FAM171A1: variants seen among roughly 807,000 people sequenced by gnomAD.
FAM171A1 encodes the protein family with sequence similarity 171 member A1, also known as protein FAM171A1.
A neutral mutation model predicts 74.9 loss-of-function variants in FAM171A1; 23 were observed. The observed-to-expected ratio is 0.31, with a 90% CI of 0.22 to 0.44. The LOEUF is 0.44. Among genes scored for constraint, FAM171A1 ranks in the 20% least tolerant of loss-of-function variants. FAM171A1 has a pLI of 1.00. For missense variants in FAM171A1, 1,162 were observed against 1,159.2 expected (o/e 1.00, Z -0.03); for synonymous variants, 527 against 505.7 (o/e 1.04, Z -0.57).
chr10:15,253,942 G>A (rs1192434760), intron 4 of FAM171A1, among the ~76,000 whole-genome samples: 2 of 152,168 alleles, frequency 1.3e-5, no homozygotes, highest in African/African-American at 4.8e-5. Flanking sequence ...CTCTGATAAG[G>A]AATTATCACT....
At chr10:15,256,334 C>T (rs573479473) in intron 3 of FAM171A1, among the ~76,000 whole-genome samples, 1 of 152,322 alleles carries the variant, frequency 6.6e-6, no homozygotes, top group East Asian at 1.9e-4. Flanking sequence ...GGTGAAGTCA[C>T]TGAGGTCCAA....
chr10:15,220,828 T>G, intron 6 of FAM171A1, 116 bp downstream of exon 6: 1 of 773,760 alleles, frequency 1.3e-6, no homozygotes, highest in Non-Finnish European at 2.1e-6. Context: ...CTTTTAACCA[T>G]TTTTGAATAA....
At chr10:15,278,996 G>C (rs912212688) in intron 2 of FAM171A1, among the ~76,000 whole-genome samples, 1 of 152,106 alleles carries the variant, frequency 6.6e-6, no homozygotes, top group African/African-American at 2.4e-5. Context: ...CCGGGCTAGG[G>C]TTACACTCCA....
intron 1 of FAM171A1, among the ~76,000 whole-genome samples, chr10:15,351,643 G>GGATA: frequency 1.3e-5 from 2 of 151,520 alleles, no homozygotes; most frequent in African/African-American, 4.9e-5. Flanking sequence ...ATGGATGCAT[G>GGATA]GATGGATGGA....
At chr10:15,360,284 C>A (rs1835978781) in intron 1 of FAM171A1, among the ~76,000 whole-genome samples, 1 of 152,276 alleles carries the variant, frequency 6.6e-6, no homozygotes. Flanking sequence ...CTTGACTGAA[C>A]CATGCTGTCT....
chr10:15,265,952 G>C (rs928121000), intron 3 of FAM171A1, among the ~76,000 whole-genome samples: 1 of 152,134 alleles, frequency 6.6e-6, no homozygotes, highest in South Asian at 2.1e-4. Flanking sequence ...GTGGCTCCAA[G>C]AACAGGAGCC....
intron 1 of FAM171A1, among the ~76,000 whole-genome samples, chr10:15,351,463 G>A (rs1286415695): frequency 6.6e-6 from 1 of 152,140 alleles, no homozygotes; most frequent in Non-Finnish European, 1.5e-5. Context: ...AGGATGATGA[G>A]GAACAAAATA....
At chr10:15,223,509 T>C (rs1834066305) in intron 5 of FAM171A1, among the ~76,000 whole-genome samples, 1 of 152,252 alleles carries the variant, frequency 6.6e-6, no homozygotes, top group Admixed American at 6.5e-5. Flanking sequence ...GTCCTGCTCA[T>C]TCATGAATGC....
chr10:15,319,779 T>A (rs1182166508), intron 1 of FAM171A1, among the ~76,000 whole-genome samples: 1 of 151,888 alleles, frequency 6.6e-6, no homozygotes, highest in African/African-American at 2.4e-5. Flanking sequence ...CGGGTGGAGG[T>A]AGAGGAACCA....
intron 2 of FAM171A1, among the ~76,000 whole-genome samples, chr10:15,282,881 C>T (rs1834988202): frequency 6.6e-6 from 1 of 152,146 alleles, no homozygotes; most frequent in South Asian, 2.1e-4. Context: ...CTCAGGCCCA[C>T]TGTCCTCCAC....
chr10:15,318,620 G>C (rs1216955402), intron 1 of FAM171A1, among the ~76,000 whole-genome samples: 1 of 152,146 alleles, frequency 6.6e-6, no homozygotes, highest in Non-Finnish European at 1.5e-5. Flanking sequence ...TTTAAGAGTT[G>C]GAGGTGTGTG....
intron 1 of FAM171A1, among the ~76,000 whole-genome samples, chr10:15,332,999 G>C (rs1835658965): frequency 6.6e-6 from 1 of 152,116 alleles, no homozygotes. Flanking sequence ...CTCCTATAGT[G>C]CAACTCTTCC....
intron 5 of FAM171A1, among the ~76,000 whole-genome samples, chr10:15,235,995 G>A (rs1333593672): frequency 6.6e-6 from 1 of 152,166 alleles, no homozygotes; most frequent in Admixed American, 6.5e-5. Context: ...GAGCCAGGGA[G>A]CACATTAGGC....
At chr10:15,336,829 C>T (rs1835706463) in intron 1 of FAM171A1, among the ~76,000 whole-genome samples, 1 of 152,168 alleles carries the variant, frequency 6.6e-6, no homozygotes, top group Non-Finnish European at 1.5e-5. Flanking sequence ...TATGGGGCCA[C>T]CTACAACTGT....
intron 1 of FAM171A1, among the ~76,000 whole-genome samples, chr10:15,296,663 G>C (rs1835164834): frequency 6.6e-6 from 1 of 152,212 alleles, no homozygotes; most frequent in Non-Finnish European, 1.5e-5. Flanking sequence ...TTTCACTCTT[G>C]ATTGTACCAA....
At chr10:15,327,747 A>T (rs1246748290) in intron 1 of FAM171A1, among the ~76,000 whole-genome samples, 11 of 152,182 alleles carry the variant, frequency 7.2e-5, no homozygotes, top group Admixed American at 7.2e-4. Flanking sequence ...AAAGAAGGAA[A>T]TAACAGACAC....
Position 15,371,036 on chromosome 10 carries a change from G to A in FAM171A1, c.17C>T (p.Thr6Met), listed in dbSNP as rs1349227402. The part of the protein sequence containing the change: MSRSA[T>M]LLLCLLGCHV... ...GCAGCCCAGCAGGCACAGCAGCAGC[G>A]TCGCGGACCTGCTCATCTCCGCCGC... The change falls in exon 1 of 8, where the codon ACG (threonine) becomes ATG (methionine). Residue 6 changes from threonine to methionine, a missense_variant. By Grantham distance (81) the Thr-to-Met change is moderately conservative. Transcript: ENST00000378116. 8.7e-7 allele frequency: 1 copy of A among 1,153,236 alleles called. No individual in the cohort carries two copies. Among genetic ancestry groups the A allele is most frequent in the Non-Finnish European group, 1.1e-6 (1 of 916,542 alleles). 71.4% of individuals were successfully genotyped at this position (1,153,236 alleles called of 1,614,324 possible). A position where few individuals can be genotyped will look rare whatever the true frequency, so the allele number is the denominator to read the frequency against.
intron 1 of FAM171A1, among the ~76,000 whole-genome samples, chr10:15,303,652 G>A (rs765402080): frequency 2.6e-5 from 4 of 152,276 alleles, no homozygotes; most frequent in Non-Finnish European, 4.4e-5. Context: ...CAGAGGCTCC[G>A]CCATTATTTT....
At chr10:15,275,456 A>T (rs977227807) in intron 3 of FAM171A1, among the ~76,000 whole-genome samples, 3 of 142,974 alleles carry the variant, frequency 2.1e-5, no homozygotes, top group African/African-American at 2.6e-5. Context: ...CTGGCTAAAT[A>T]TTTTTTTTTT....
Sources: gnomAD v4.1 joint callset for allele counts (sites outside exome capture counted in the v4.1 genomes callset) on GRCh38, gnomAD v4.1.1 for gene constraint, MANE v1.5 for transcripts, NCBI Gene and HGNC (gene_info 2026-07-23, HGNC 2026-07-21) for gene names.